KIAA0513: variants seen among roughly 807,000 people sequenced by gnomAD.
The protein encoded by KIAA0513 is KIAA0513.
KIAA0513 carries 39 observed loss-of-function variants against 56.5 expected under a neutral mutation model. That is an observed-to-expected ratio of 0.69 (90% confidence interval 0.53 to 0.90). The LOEUF (loss-of-function observed/expected upper bound fraction) is 0.90, where lower values mean the gene tolerates loss of function less well. Ranked by LOEUF, KIAA0513 falls within the 40% of genes least tolerant of loss-of-function variation. The probability of loss-of-function intolerance (pLI) is 0.00; values close to 1 mark genes in which losing one functional copy is unlikely to be tolerated. For synonymous variants in KIAA0513, 268 were observed against 215.6 expected (o/e 1.24, Z -2.13); for missense variants, 591 against 535.2 (o/e 1.10, Z -1.03).
intron 1 of KIAA0513, among the ~76,000 whole-genome samples, chr16:85,059,206 C>T (rs1448906775): frequency 6.6e-6 from 1 of 152,068 alleles, no homozygotes; most frequent in South Asian, 2.1e-4. Context: ...TAAACATGAC[C>T]TCATGGTAGA....
chr16:85,065,344 C>T (rs1393788085), intron 1 of KIAA0513, among the ~76,000 whole-genome samples: 1 of 152,192 alleles, frequency 6.6e-6, no homozygotes, highest in African/African-American at 2.4e-5. Context: ...TCTCCAGGTC[C>T]CTGAGCTGTA....
intron 2 of KIAA0513, among the ~76,000 whole-genome samples, chr16:85,071,112 A>C (rs1187547682): frequency 6.7e-6 from 1 of 149,366 alleles, no homozygotes; most frequent in Non-Finnish European, 1.5e-5. Context: ...GGCCCCTTGC[A>C]AAGAGTGATG....
In KIAA0513 at chr16:85,082,609, T is replaced by C; in HGVS notation, c.1010+16T>C. The C allele has an allele frequency of 6.2e-7, 1 of 1,614,016 alleles. No homozygotes were observed. Among genetic ancestry groups the C allele is most frequent in the Non-Finnish European group, 8.5e-7 (1 of 1,179,890 alleles). On this transcript the variant is annotated intron_variant, in intron 10 of 12. Coordinates refer to ENST00000683363, the MANE Select transcript of KIAA0513 (RefSeq NM_001388359.1). ...AGGAGAAGAGGTGTGTGTGTCCACG[T>C]GACTTTGTTCCATTTTACAGTGCGG...
intron 1 of KIAA0513, among the ~76,000 whole-genome samples, chr16:85,050,745 T>C (rs923190579): frequency 1.3e-5 from 2 of 152,124 alleles, no homozygotes; most frequent in African/African-American, 4.8e-5. Context: ...TGTTGCTGAG[T>C]CAAGGAAGGC....
chr16:85,048,503 C>T (rs2073202411), intron 1 of KIAA0513, among the ~76,000 whole-genome samples: 1 of 151,088 alleles, frequency 6.6e-6, no homozygotes, highest in African/African-American at 2.5e-5. Context: ...CTCTCTCTCT[C>T]TTTCTCTCAC....
chr16:85,068,162 C>CT (rs35138609), intron 2 of KIAA0513, among the ~76,000 whole-genome samples: 9,972 of 138,186 alleles, frequency 0.072, 366 homozygotes, highest in Middle Eastern at 0.11. Flanking sequence ...TCCACGCATT[C>CT]TTTTTTTTTT....
rs2073746731 is a variant in KIAA0513, at chr16:85,081,707, A to AATCAG, written c.980+316_980+320dup. ...GCCCACCCTGCTGTTTGCTGGACAA[A>AATCAG]ATCAGCATCCTGAGGATGAACGCTT... On this transcript the variant is annotated intron_variant, in intron 9 of 12. Transcript: ENST00000683363. This position sits in a 1 kb window ranked among gnomAD's most constrained non-coding sequence, Gnocchi z 4.4. Among the ~76,000 whole-genome samples the AATCAG allele has an allele frequency of 6.6e-6, 1 of 152,158 alleles. No individual in the cohort carries two copies. Among genetic ancestry groups the AATCAG allele is most frequent in the South Asian group, 2.1e-4 (1 of 4,822 alleles).
rs770384277 is a variant in KIAA0513 at position 85,086,740 on chromosome 16, G to A, written c.1091+16G>A. 3 of 1,604,588 alleles carry A rather than the reference G, an allele frequency of 1.9e-6. No homozygotes were observed. In the Admixed American group the frequency reaches 5.1e-5, roughly 27 times the overall value. On this transcript the variant is annotated intron_variant, in intron 11 of 12. Transcript: ENST00000683363. The stretch of plus-strand genomic sequence containing the variant: ...GGCAGCTGGGGTAAGGGCCAGAGTG[G>A]GAAAGCGGGAGGGGAGAGGGGGGAG...
At chr16:85,051,932 G>T (rs1486221189) in intron 1 of KIAA0513, among the ~76,000 whole-genome samples, 1 of 151,802 alleles carries the variant, frequency 6.6e-6, no homozygotes, top group Non-Finnish European at 1.5e-5. Context: ...GGGATTACAG[G>T]CATAAGCCAT....
In KIAA0513 at chr16:85,088,632, T is replaced by C. The variant is rs557107181; in HGVS notation, c.*307T>C. 3.4e-5 allele frequency: 11 copies of C among 323,418 alleles called. No individual in the cohort carries two copies. Among genetic ancestry groups the C allele is most frequent in the South Asian group, 2.9e-4 (5 of 17,414 alleles). 20.0% of individuals were successfully genotyped at this position (323,418 alleles called of 1,614,324 possible). The stretch of plus-strand genomic sequence containing the variant: ...AAGAGGGAGGAGGGGAAGGACTCCA[T>C]GGGCCATCGTGGGCCAAGGGCTGGC... On this transcript the variant is annotated 3_prime_UTR_variant, in exon 13 of 13. Coordinates refer to ENST00000683363, the MANE Select transcript of KIAA0513 (RefSeq NM_001388359.1).
intron 1 of KIAA0513, among the ~76,000 whole-genome samples, chr16:85,054,613 A>T (rs2073302292): frequency 6.6e-6 from 1 of 151,634 alleles, no homozygotes; most frequent in Non-Finnish European, 1.5e-5. Context: ...TATTTTTAGT[A>T]GAGATGGGGC....
chr16:85,035,918 G>C (rs1459228974), intron 1 of KIAA0513, among the ~76,000 whole-genome samples: 2 of 150,834 alleles, frequency 1.3e-5, no homozygotes, highest in African/African-American at 4.9e-5. Context: ...GGCAGAGCTT[G>C]CAGTGAGCCG....
At chr16:85,087,042 C>G in intron 11 of KIAA0513, 30 bp from the exon 12 acceptor site, 2 of 1,603,134 alleles carry the variant, frequency 1.2e-6, no homozygotes, top group Admixed American at 3.3e-5. Context: ...GGGAGGCCAG[C>G]GGGTGACGCT....
At chr16:85,031,655 G>A (rs578025283) in intron 1 of KIAA0513, among the ~76,000 whole-genome samples, 175 of 152,166 alleles carry the variant, frequency 1.2e-3, no homozygotes, top group Non-Finnish European at 2.1e-3. Flanking sequence ...TGTGCCTTCC[G>A]TGTGCCAAGA....
At chr16:85,031,085 A>G (rs2072957962) in intron 1 of KIAA0513, among the ~76,000 whole-genome samples, 1 of 152,232 alleles carries the variant, frequency 6.6e-6, no homozygotes, top group Admixed American at 6.5e-5. Context: ...TGGTGAATGA[A>G]TTAGATGTAA....
At chr16:85,039,699 C>T (rs1481178394) in intron 1 of KIAA0513, among the ~76,000 whole-genome samples, 1 of 152,090 alleles carries the variant, frequency 6.6e-6, no homozygotes, top group African/African-American at 2.4e-5. Flanking sequence ...TCTTGAACTC[C>T]TGACCTCAAG....
intron 10 of KIAA0513, among the ~76,000 whole-genome samples, chr16:85,085,123 G>C (rs543876661): frequency 6.6e-6 from 1 of 152,238 alleles, no homozygotes; most frequent in African/African-American, 2.4e-5. Context: ...GCAGGCCTGC[G>C]AGGGGTGCGG....
At chr16:85,040,210 A>G (rs1217031518) in intron 1 of KIAA0513, among the ~76,000 whole-genome samples, 1 of 152,246 alleles carries the variant, frequency 6.6e-6, no homozygotes, top group Non-Finnish European at 1.5e-5. Flanking sequence ...AATATAGATC[A>G]GGAATTTTCA....
intron 1 of KIAA0513, among the ~76,000 whole-genome samples, chr16:85,059,751 C>T (rs12929714): frequency 0.053 from 8,097 of 152,272 alleles, 254 homozygotes; most frequent in Middle Eastern, 0.099. Context: ...CATGTTAGCA[C>T]GGCCAGGGAA....
Sources: allele counts gnomAD v4.1 joint callset (sites outside exome capture counted in the v4.1 genomes callset), GRCh38; gene constraint gnomAD v4.1.1; non-coding constraint Gnocchi (gnomAD v3.1); transcripts MANE v1.5; gene names NCBI Gene and HGNC (gene_info 2026-07-23, HGNC 2026-07-21).